EPHB2: variants seen among roughly 807,000 people sequenced by gnomAD.
EPHB2 encodes ephrin type-B receptor 2.
A neutral mutation model predicts 96.4 loss-of-function variants in EPHB2; 18 were observed. The ratio of observed to expected loss-of-function variants is 0.19; its 90% CI spans 0.13 to 0.28. The LOEUF (loss-of-function observed/expected upper bound fraction) is 0.28, where lower values mean the gene tolerates loss of function less well. EPHB2 is among the 10% of genes least tolerant of loss of function. EPHB2 has a pLI of 1.00. For synonymous variants in EPHB2, 506 were observed against 534.1 expected, an observed-to-expected ratio of 0.95 and a Z score of 0.72; for missense variants, 989 against 1,355.4, an observed-to-expected ratio of 0.73 and a Z score of 4.25.
chr1:22,873,702 GCTT>G (rs1638747036), intron 5 of EPHB2, among the ~76,000 whole-genome samples: 1 of 152,344 alleles, frequency 6.6e-6, no homozygotes, highest in Non-Finnish European at 1.5e-5. Flanking sequence ...TCAGCACACA[GCTT>G]CATGTCCTCA....
At chr1:22,723,412 A>G (rs1335322103) in intron 1 of EPHB2, among the ~76,000 whole-genome samples, 1 of 152,168 alleles carries the variant, frequency 6.6e-6, no homozygotes, top group Non-Finnish European at 1.5e-5. Flanking sequence ...ACGGCCTCAG[A>G]TGGCAGCTCC....
chr1:22,768,693 T>TAAA (rs796407924), intron 1 of EPHB2, among the ~76,000 whole-genome samples: 1 of 138,614 alleles, frequency 7.2e-6, no homozygotes. Flanking sequence ...CTGTCTCCAT[T>TAAA]AAAAAAAAAA....
intron 3 of EPHB2, among the ~76,000 whole-genome samples, chr1:22,808,486 A>G (rs1237950768): frequency 6.6e-6 from 1 of 152,244 alleles, no homozygotes; most frequent in East Asian, 1.9e-4. Flanking sequence ...TCTTCCACCC[A>G]GTCCAGAAGG....
chr1:22,741,432 A>G (rs1643901064), intron 1 of EPHB2, among the ~76,000 whole-genome samples: 1 of 151,986 alleles, frequency 6.6e-6, no homozygotes, highest in Non-Finnish European at 1.5e-5. Context: ...CTCTTATCTA[A>G]ATCCCAAGCC....
At chr1:22,879,298 CGGGCCAGCACAAGG>C (rs1557730875) in intron 5 of EPHB2, among the ~76,000 whole-genome samples, 3 of 152,194 alleles carry the variant, frequency 2.0e-5, no homozygotes, top group Non-Finnish European at 2.9e-5. Context: ...GGGTGCTTCC[CGGGCCAGCACAAGG>C]GATGAGCCCC....
chr1:22,901,404 CA>C (rs1338007241), intron 9 of EPHB2, among the ~76,000 whole-genome samples: 2 of 152,202 alleles, frequency 1.3e-5, no homozygotes, highest in African/African-American at 2.4e-5. Context: ...ACTCACAAAG[CA>C]GCTGATTTGT....
At chr1:22,859,666 G>C (rs547746800) in intron 3 of EPHB2, among the ~76,000 whole-genome samples, 1 of 152,008 alleles carries the variant, frequency 6.6e-6, no homozygotes, top group African/African-American at 2.4e-5. Context: ...GGTGGCACGC[G>C]CCTGTAGTCC....
At chr1:22,753,370 G>A (rs867725220) in intron 1 of EPHB2, among the ~76,000 whole-genome samples, 1 of 152,208 alleles carries the variant, frequency 6.6e-6, no homozygotes, top group Admixed American at 6.5e-5. Context: ...GCCCGTGCTG[G>A]ACACTTAAAT....
chr1:22,824,413 A>C (rs1367638254), intron 3 of EPHB2, among the ~76,000 whole-genome samples: 1 of 152,180 alleles, frequency 6.6e-6, no homozygotes, highest in Non-Finnish European at 1.5e-5. Flanking sequence ...TGGCTTACAG[A>C]GCAGGTAAGC....
intron 1 of EPHB2, among the ~76,000 whole-genome samples, chr1:22,764,881 G>C (rs1270168018): frequency 2.0e-5 from 3 of 152,220 alleles, no homozygotes; most frequent in Non-Finnish European, 4.4e-5. Context: ...ACTCGCTCCA[G>C]TGGCAGATAC....
intron 6 of EPHB2, among the ~76,000 whole-genome samples, chr1:22,889,214 G>A (rs1639317530): frequency 6.6e-6 from 1 of 152,096 alleles, no homozygotes; most frequent in South Asian, 2.1e-4. Context: ...CCAATCCCTT[G>A]CCCAGCTTTA....
At chr1:22,754,925 TG>T (rs1644124036) in intron 1 of EPHB2, among the ~76,000 whole-genome samples, 1 of 139,314 alleles carries the variant, frequency 7.2e-6, no homozygotes, top group Non-Finnish European at 1.6e-5. Flanking sequence ...GCAGGGGAGG[TG>T]AGGTGAGGGG....
chr1:22,757,908 C>CTT lies in EPHB2; in HGVS notation c.62-23486_62-23485dup, dbSNP rs1224799943. Among the ~76,000 whole-genome samples, 402 of 54,150 alleles carry CTT rather than the reference C, an allele frequency of 7.4e-3. 46 individuals are homozygous for CTT. The highest frequency in any genetic ancestry group is 0.027 in the African/African-American group (375 of 13,702). The allele number at this position is 54,150 out of a possible 152,430, so 35.5% of individuals were successfully genotyped here. A position where few individuals can be genotyped will look rare whatever the true frequency, so the allele number is the denominator to read the frequency against. On this transcript the variant is annotated intron_variant, in intron 1 of 15. Transcript: ENST00000374630. ...CCATGCTCACTATGTGTAAGCTATGCTTTTTTTTTTTTTTTTTTTTTTTTT... is the reference window on the plus strand; with the variant it reads ...CCATGCTCACTATGTGTAAGCTATGCTTTTTTTTTTTTTTTTTTTTTTTTTTT...
chr1:22,866,686 T>G (rs1638489792), intron 5 of EPHB2, among the ~76,000 whole-genome samples: 1 of 151,962 alleles, frequency 6.6e-6, no homozygotes, highest in Admixed American at 6.6e-5. Context: ...GTAATCCCAG[T>G]ACTTTGGGAG....
In EPHB2 at chr1:22,889,775, A is replaced by G. The variant is rs75149148; in HGVS notation, c.1429-3109A>G. The stretch of plus-strand genomic sequence containing the variant: ...GGGCAACAGTGCTTGCAAAAACTCA[A>G]GAGTGTCCATGGAAGGTAGAGTTGC... On this transcript the variant is annotated intron_variant, in intron 6 of 15. Coordinates refer to ENST00000374630, the MANE Select transcript of EPHB2 (RefSeq NM_017449.5). Among the ~76,000 whole-genome samples the G allele has an allele frequency of 8.8e-3, 1,334 of 152,332 alleles. 6 individuals carry two copies. The highest frequency in any genetic ancestry group is 0.024 in the Middle Eastern group (7 of 294).
chr1:22,750,699 A>C (rs536010533), intron 1 of EPHB2, among the ~76,000 whole-genome samples: 1 of 152,366 alleles, frequency 6.6e-6, no homozygotes, highest in South Asian at 2.1e-4. Flanking sequence ...TGTTTTCATC[A>C]TGAATAGTTT....
intron 3 of EPHB2, among the ~76,000 whole-genome samples, chr1:22,842,537 A>G (rs969869517): frequency 1.3e-5 from 2 of 151,992 alleles, no homozygotes; most frequent in Non-Finnish European, 2.9e-5. Context: ...CTCACTCAGC[A>G]GACAGAGGGA....
At chr1:22,844,796 A>ATCCCAT (rs1284168926) in intron 3 of EPHB2, among the ~76,000 whole-genome samples, 2 of 152,148 alleles carry the variant, frequency 1.3e-5, no homozygotes, top group African/African-American at 4.8e-5. Context: ...CATCCTTGGG[A>ATCCCAT]CCTTGACTGA....
chr1:22,903,826 G>A (rs1247247760), intron 9 of EPHB2, among the ~76,000 whole-genome samples: 1 of 152,140 alleles, frequency 6.6e-6, no homozygotes, highest in Non-Finnish European at 1.5e-5. Context: ...TGTGCCAGGG[G>A]AGGGAGAAAT....
Sources: allele counts gnomAD v4.1 joint callset (sites outside exome capture counted in the v4.1 genomes callset), GRCh38; gene constraint gnomAD v4.1.1; transcripts MANE v1.5; gene names NCBI Gene and HGNC (gene_info 2026-07-23, HGNC 2026-07-21).